PCDHGB5: variants seen among roughly 807,000 people sequenced by gnomAD.
PCDHGB5 encodes protocadherin gamma-B5.
In PCDHGB5, 48 loss-of-function variants were observed where a neutral mutation model predicts 62.9. That is an observed-to-expected ratio of 0.76 (90% CI 0.61 to 0.97). The LOEUF (loss-of-function observed/expected upper bound fraction) is 0.97, where lower values mean the gene tolerates loss of function less well. Among genes scored for constraint, PCDHGB5 ranks in the 50% least tolerant of loss-of-function variants. PCDHGB5 has a pLI of 0.00. For missense variants in PCDHGB5, 1,118 were observed against 1,198.6 expected (o/e 0.93, Z 0.99); for synonymous variants, 474 against 511.2 (o/e 0.93, Z 0.98).
chr5:141,506,304 C>A (rs569926873), intron 3 of PCDHGB5, among the ~76,000 whole-genome samples: 3 of 152,078 alleles, frequency 2.0e-5, no homozygotes, highest in Non-Finnish European at 4.4e-5. Context: ...CAAAAATTAG[C>A]TGGGCATGGT....
At chr5:141,410,022 A>C (rs557770094) in intron 1 of PCDHGB5, 2 of 1,613,094 alleles carry the variant, frequency 1.2e-6, no homozygotes, top group South Asian at 2.2e-5. Context: ...CTGTCCTACC[A>C]CGTGCTGCAG....
chr5:141,451,874 C>T (rs1264178631), intron 1 of PCDHGB5, among the ~76,000 whole-genome samples: 1 of 151,956 alleles, frequency 6.6e-6, no homozygotes, highest in Non-Finnish European at 1.5e-5. Context: ...GAATGAAACC[C>T]TGTCAAGAAA....
At chr5:141,421,088 C>A in intron 1 of PCDHGB5, 2 of 659,434 alleles carry the variant, frequency 3.0e-6, no homozygotes, top group South Asian at 4.0e-5. Flanking sequence ...CTCACAGATC[C>A]TGACACTGGA....
chr5:141,409,666 C>T, intron 1 of PCDHGB5: 3 of 1,613,554 alleles, frequency 1.9e-6, no homozygotes, highest in Non-Finnish European at 2.5e-6. Flanking sequence ...GCCACATCTC[C>T]TACTCTATAG....
intron 1 of PCDHGB5, chr5:141,404,823 G>A (rs1283913930): frequency 6.2e-7 from 1 of 1,610,946 alleles, no homozygotes. Flanking sequence ...CTGCACACAG[G>A]TGAAGTGCGC....
Position 141,491,034 on chromosome 5 carries a change from T to G in PCDHGB5, c.2398-3773T>G, listed in dbSNP as rs375902824. 1 of 1,614,170 alleles carries G rather than the reference T, an allele frequency of 6.2e-7. No homozygotes were observed. The highest frequency in any genetic ancestry group is 8.5e-7 in the Non-Finnish European group (1 of 1,180,024). On this transcript the variant is annotated intron_variant, in intron 1 of 3. Coordinates refer to ENST00000617380, the MANE Select transcript of PCDHGB5 (RefSeq NM_018925.3). The surrounding 1 kb of genome is among the most constrained non-coding windows in gnomAD (Gnocchi z 6.9). ...CCAAGGTGACAGCCGTGGATGCTGATGCAGGCCACAATGCGTGGCTCTCCT... is the reference window on the plus strand; with the variant it reads ...CCAAGGTGACAGCCGTGGATGCTGAGGCAGGCCACAATGCGTGGCTCTCCT...
rs2097542578 is a variant in PCDHGB5 at position 141,432,849 on chromosome 5, T to C, written c.2397+32325T>C. On this transcript the variant is annotated intron_variant, in intron 1 of 3. Coordinates refer to ENST00000617380, the MANE Select transcript of PCDHGB5 (RefSeq NM_018925.3). The surrounding 1 kb of genome is among the most constrained non-coding windows in gnomAD (Gnocchi z 6.0). ...CTCACTCTGTACCTGGTGGTAGCGG[T>C]GGCCGCGGTCTCCTGCGTCTTCCTG... 2 of 1,614,076 alleles carry C rather than the reference T, an allele frequency of 1.2e-6. No individual in the cohort carries two copies. Among genetic ancestry groups the C allele is most frequent in the South Asian group, 1.1e-5 (1 of 91,096 alleles).
Position 141,398,972 on chromosome 5 carries a change from A to G in PCDHGB5, c.845A>G (p.Tyr282Cys), listed in dbSNP as rs191593174. 31 of 1,613,974 alleles carry G rather than the reference A, an allele frequency of 1.9e-5. No homozygotes were observed. In the South Asian group the frequency reaches 2.5e-4, roughly 13 times the overall value. The stretch of plus-strand genomic sequence containing the variant: ...AACTCAGAAATTACTTATTCCTTCT[A>G]CAGAACCGGGCAAATCTTTAGTCTG... ...GINSEITYSF[Y>C]RTGQIFSLNS... Residue 282 changes from tyrosine (Y) to cysteine (C), a missense_variant, in exon 1 of 4, where the codon TAC becomes TGC. This residue lies in a region of PCDHGB5 where 1,034 missense variants were observed against 1,029.1 expected (regional missense o/e 1.00). Transcript: ENST00000617380.
In PCDHGB5 at chr5:141,486,649, C is replaced by G; in HGVS notation, c.2398-8158C>G. On this transcript the variant is annotated intron_variant, in intron 1 of 3. Transcript: ENST00000617380. This position sits in a 1 kb window ranked among gnomAD's most constrained non-coding sequence, Gnocchi z 5.0. The stretch of plus-strand genomic sequence containing the variant: ...CTGGCTTGAATGCGCTTATCTCCTA[C>G]TCACTCCTGGAGCCCAGGAATCGAG... The G allele has an allele frequency of 6.2e-7, 1 of 1,613,952 alleles. No individual in the cohort carries two copies. The highest frequency in any genetic ancestry group is 8.5e-7 in the Non-Finnish European group (1 of 1,180,034).
intron 3 of PCDHGB5, among the ~76,000 whole-genome samples, chr5:141,509,089 G>C (rs1366018197): frequency 6.6e-6 from 1 of 152,158 alleles, no homozygotes; most frequent in Non-Finnish European, 1.5e-5. Context: ...ACATGAAATG[G>C]GGGCTGTAGA....
chr5:141,435,519 T>C (rs2097768121), intron 1 of PCDHGB5, among the ~76,000 whole-genome samples: 2 of 152,192 alleles, frequency 1.3e-5, no homozygotes, highest in South Asian at 4.1e-4. Context: ...ATGATGACTT[T>C]GTGGAATATT....
At chr5:141,492,587 C>G (rs2154587748) in intron 1 of PCDHGB5, among the ~76,000 whole-genome samples, 1 of 152,314 alleles carries the variant, frequency 6.6e-6, no homozygotes, top group African/African-American at 2.4e-5. Flanking sequence ...GGGCCAGGAG[C>G]GCTGGAGCGA....
chr5:141,485,938 A>G lies in PCDHGB5; in HGVS notation c.2398-8869A>G. The stretch of plus-strand genomic sequence containing the variant: ...ACAGGATTAGTGTGTTGGAGAGCGC[A>G]CCAGCGGGCATGGTGCTCATCCAGC... On this transcript the variant is annotated intron_variant, in intron 1 of 3. Transcript: ENST00000617380. The surrounding 1 kb of genome is among the most constrained non-coding windows in gnomAD (Gnocchi z 5.7). 6.2e-7 allele frequency: 1 copy of G among 1,614,162 alleles called. No individual in the cohort carries two copies. The highest frequency in any genetic ancestry group is 1.3e-5 in the African/African-American group (1 of 75,028).
In PCDHGB5 at chr5:141,398,692, A is replaced by G. The variant is rs150385715; in HGVS notation, c.565A>G (p.Ser189Gly). 1.9e-3 allele frequency: 3,041 copies of G among 1,613,942 alleles called. 6 individuals carry two copies. Among genetic ancestry groups the G allele is most frequent in the Non-Finnish European group, 2.3e-3 (2,760 of 1,179,898 alleles). Residue 189 changes from serine to glycine, a missense_variant, in exon 1 of 4, where the codon AGT (serine) becomes GGT (glycine). Coordinates refer to ENST00000617380, the MANE Select transcript of PCDHGB5 (RefSeq NM_018925.3). The stretch of plus-strand genomic sequence containing the variant: ...AATAATTAAGGAGAAACAGGATGGT[A>G]GTAAATACCCGGAACTGGCACTGGA... ...SLIIKEKQDGSKYPELALEKT... is the reference protein window; with the variant it reads ...SLIIKEKQDGGKYPELALEKT...
Position 141,487,500 on chromosome 5 carries a change from C to G in PCDHGB5, c.2398-7307C>G. 6.2e-7 allele frequency: 1 copy of G among 1,614,178 alleles called. No individual in the cohort carries two copies. Among genetic ancestry groups the G allele is most frequent in the East Asian group, 2.2e-5 (1 of 44,862 alleles). Reference sequence around the variant, plus strand: ...CACTCTCATGGCTGTACACCCTTGGCTTCTGCACCCACTCGGAGTGATAGC... The same window carrying G: ...CACTCTCATGGCTGTACACCCTTGGGTTCTGCACCCACTCGGAGTGATAGC... On this transcript the variant is annotated intron_variant, in intron 1 of 3. Coordinates refer to ENST00000617380, the MANE Select transcript of PCDHGB5 (RefSeq NM_018925.3). The surrounding 1 kb of genome is among the most constrained non-coding windows in gnomAD (Gnocchi z 5.0).
chr5:141,417,800 C>T, intron 1 of PCDHGB5: 1 of 1,489,386 alleles, frequency 6.7e-7, no homozygotes. Context: ...TCTTTTAGCG[C>T]GGTAGAGTGC....
At chr5:141,441,736 T>C in intron 1 of PCDHGB5, 1 of 365,328 alleles carries the variant, frequency 2.7e-6, no homozygotes. Flanking sequence ...CAGGACTAGC[T>C]CGCGCTCGGC....
At position 141,477,213 on chromosome 5, in the gene PCDHGB5, C is replaced by G; in HGVS notation, c.2398-17594C>G. ...TACAGCCCAGTACCCGAGGATGCCC[C>G]TCTGGGGACTGTCATCGCTTTGCTC... is the stretch of plus-strand genomic sequence containing the variant. On this transcript the variant is annotated intron_variant, in intron 1 of 3. Coordinates refer to ENST00000617380, the MANE Select transcript of PCDHGB5 (RefSeq NM_018925.3). The surrounding 1 kb of genome is among the most constrained non-coding windows in gnomAD (Gnocchi z 4.9). 6.2e-7 allele frequency: 1 copy of G among 1,614,184 alleles called. No individual in the cohort carries two copies.
intron 1 of PCDHGB5, chr5:141,422,614 C>T (rs1207238896): frequency 6.2e-7 from 1 of 1,613,812 alleles, no homozygotes; most frequent in South Asian, 1.1e-5. Flanking sequence ...TGCCTACATT[C>T]CCGAAAACAA....
Sources: gnomAD v4.1 joint callset for allele counts (sites outside exome capture counted in the v4.1 genomes callset) on GRCh38, gnomAD v4.1.1 for gene constraint, gnomAD v4.1.1 regional missense constraint, Gnocchi (gnomAD v3.1) non-coding constraint, MANE v1.5 for transcripts, NCBI Gene and HGNC (gene_info 2026-07-23, HGNC 2026-07-21) for gene names.